AKR1D1: variants seen among roughly 807,000 people sequenced by gnomAD.
AKR1D1 encodes aldo-keto reductase family 1 member D1, also known as delta(4)-3-ketosteroid 5-beta-reductase.
AKR1D1 carries 32 observed loss-of-function variants against 42.6 expected under a neutral mutation model. The ratio of observed to expected loss-of-function variants is 0.75; its 90% CI spans 0.57 to 1.01. AKR1D1 has a LOEUF of 1.01. Ranked by LOEUF, AKR1D1 falls within the 50% of genes least tolerant of loss-of-function variation. The pLI, the probability that AKR1D1 is intolerant of heterozygous loss-of-function variation, is 0.00. For synonymous variants in AKR1D1, 123 were observed against 135.5 expected (o/e 0.91, Z 0.64); for missense variants, 364 against 402.2 (o/e 0.91, Z 0.81).
chr7:138,088,463 T>C, intron 1 of AKR1D1, 138 bp from the exon 2 acceptor site: 1 of 1,059,672 alleles, frequency 9.4e-7, no homozygotes, highest in Non-Finnish European at 1.4e-6. Context: ...GAACACCATC[T>C]TCCAATCACA....
intron 4 of AKR1D1, 112 bp from the exon 5 acceptor site, chr7:138,105,195 A>T: frequency 6.8e-7 from 1 of 1,480,096 alleles, no homozygotes; most frequent in African/African-American, 1.4e-5. Flanking sequence ...CAAGATGCTT[A>T]TTAACATACC....
chr7:138,116,742 TGAA>T lies in AKR1D1; in HGVS notation c.*83_*85del. ...ATGGGTAGTCCCCTAGATGTGAAAATGAAGAGAGAGGGTTTTACCATCCTGAGA... is the reference window on the plus strand; with the variant it reads ...ATGGGTAGTCCCCTAGATGTGAAAATGAGAGAGGGTTTTACCATCCTGAGA... On this transcript the variant is annotated 3_prime_UTR_variant, in exon 9 of 9. Transcript: ENST00000242375. 7.7e-7 allele frequency: 1 copy of T among 1,301,098 alleles called. No individual in the cohort carries two copies. Among genetic ancestry groups the T allele is most frequent in the Non-Finnish European group, 1.1e-6 (1 of 900,938 alleles). 80.6% of individuals were successfully genotyped at this position (1,301,098 alleles called of 1,614,324 possible).
chr7:138,114,731 A>G (rs140886914), intron 8 of AKR1D1, among the ~76,000 whole-genome samples: 1 of 151,734 alleles, frequency 6.6e-6, no homozygotes, highest in East Asian at 1.9e-4. Flanking sequence ...ATATACATAT[A>G]TATACTCATA....
At chr7:138,078,674 T>C (rs1365390008) in intron 1 of AKR1D1, among the ~76,000 whole-genome samples, 1 of 152,238 alleles carries the variant, frequency 6.6e-6, no homozygotes, top group Non-Finnish European at 1.5e-5. Flanking sequence ...TTACAGGAGA[T>C]AACTATTGTT....
At chr7:138,080,550 C>T (rs1803032697) in intron 1 of AKR1D1, among the ~76,000 whole-genome samples, 1 of 152,130 alleles carries the variant, frequency 6.6e-6, no homozygotes, top group Admixed American at 6.5e-5. Context: ...TGTTCCATCC[C>T]ATTTAATATT....
intron 1 of AKR1D1, among the ~76,000 whole-genome samples, chr7:138,085,678 T>C (rs1470459048): frequency 1.3e-5 from 2 of 152,116 alleles, no homozygotes; most frequent in African/African-American, 4.8e-5. Context: ...ACTCCTGACC[T>C]CAGGTGATCT....
Position 138,080,991 on chromosome 7 carries a change from T to C in AKR1D1, c.93+4380T>C, listed in dbSNP as rs183446441. On this transcript the variant is annotated intron_variant, in intron 1 of 8. Transcript: ENST00000242375. ...CCTTGTCTACAGAGGACAGCCGTAA[T>C]TGAGCTCAACAACTCTGGTGTTTTT... Among the ~76,000 whole-genome samples the C allele has an allele frequency of 5.9e-3, 894 of 152,300 alleles. 9 individuals are homozygous for C. Among genetic ancestry groups the C allele is most frequent in the Non-Finnish European group, 8.7e-3 (594 of 68,032 alleles).
intron 4 of AKR1D1, 70 bp from the exon 5 acceptor site, chr7:138,105,237 C>A: frequency 1.2e-6 from 2 of 1,605,520 alleles, no homozygotes; most frequent in South Asian, 2.2e-5. Context: ...AATTCACAGT[C>A]ACCCTTATAA....
chr7:138,114,697 A>ATG (rs1794602165), intron 8 of AKR1D1, among the ~76,000 whole-genome samples: 1 of 151,174 alleles, frequency 6.6e-6, no homozygotes, highest in South Asian at 2.1e-4. Flanking sequence ...TTTGCTATAT[A>ATG]TGTGTGTATA....
chr7:138,101,687 A>G (rs1319160648), intron 4 of AKR1D1, among the ~76,000 whole-genome samples: 1 of 152,216 alleles, frequency 6.6e-6, no homozygotes, highest in Non-Finnish European at 1.5e-5. Context: ...ATTTTTAAAA[A>G]CAATGCTAAA....
At chr7:138,101,978 T>C (rs6951769) in intron 4 of AKR1D1, among the ~76,000 whole-genome samples, 11,434 of 151,956 alleles carry the variant, frequency 0.075, 1,479 homozygotes, top group African/African-American at 0.26. Flanking sequence ...TGGGAGGCCA[T>C]GGCAGGTGGA....
intron 7 of AKR1D1, among the ~76,000 whole-genome samples, chr7:138,109,059 T>C (rs887090944): frequency 6.6e-5 from 10 of 152,220 alleles, no homozygotes; most frequent in Non-Finnish European, 1.2e-4. Flanking sequence ...TTCTTTGTAA[T>C]TTTTTAAAAA....
At chr7:138,108,872 C>A (rs1794483537) in intron 7 of AKR1D1, among the ~76,000 whole-genome samples, 1 of 152,064 alleles carries the variant, frequency 6.6e-6, no homozygotes, top group Non-Finnish European at 1.5e-5. Context: ...TTTAACCACT[C>A]CACAATTTAT....
chr7:138,106,263 T>TA (rs1000142813), intron 5 of AKR1D1, among the ~76,000 whole-genome samples: 119 of 152,272 alleles, frequency 7.8e-4, no homozygotes, highest in Non-Finnish European at 8.5e-4. Flanking sequence ...TCTATGCTAA[T>TA]AAAAAAATAT....
intron 7 of AKR1D1, among the ~76,000 whole-genome samples, chr7:138,109,177 C>A (rs1337520581): frequency 6.6e-6 from 1 of 152,122 alleles, no homozygotes; most frequent in African/African-American, 2.4e-5. Flanking sequence ...AGGAAGATAG[C>A]CACAATATTA....
At chr7:138,103,939 G>A (rs530008793) in intron 4 of AKR1D1, among the ~76,000 whole-genome samples, 8 of 151,884 alleles carry the variant, frequency 5.3e-5, no homozygotes, top group Admixed American at 2.6e-4. Flanking sequence ...AAATCAACCT[G>A]GGCAACATAA....
intron 3 of AKR1D1, among the ~76,000 whole-genome samples, chr7:138,096,078 AC>A (rs1450214677): frequency 3.3e-5 from 5 of 151,820 alleles, no homozygotes; most frequent in Non-Finnish European, 7.4e-5. Flanking sequence ...GGTGGTGCAC[AC>A]CTGTAGTCCC....
Position 138,090,684 on chromosome 7 carries a change from TC to T in AKR1D1, c.262-1078del, listed in dbSNP as rs1337302587. 2.7e-5 allele frequency among the ~76,000 whole-genome samples: 4 copies of T among 150,888 alleles called. No homozygotes were observed. The East Asian group carries it at 7.8e-4, about 29-fold the overall frequency. ...AGAAAAGTATGATTCTAAACTTATA[TC>T]CCCCCAAAAAAATCTGTGAGCAAAA... On this transcript the variant is annotated intron_variant, in intron 2 of 8. Transcript: ENST00000242375.
rs552560289 is a variant in AKR1D1 at position 138,106,355 on chromosome 7, A to C, written c.580-253A>C. 3.9e-5 allele frequency among the ~76,000 whole-genome samples: 6 copies of C among 152,356 alleles called. No homozygotes were observed. In the South Asian group the frequency reaches 8.3e-4, roughly 21 times the overall value. ...AAATGGAAACAACATAATACAAAAAATTAAGGGGATGATTAAATAAGTTAC... is the reference window on the plus strand; with the variant it reads ...AAATGGAAACAACATAATACAAAAACTTAAGGGGATGATTAAATAAGTTAC... On this transcript the variant is annotated intron_variant, in intron 5 of 8. Transcript: ENST00000242375.
Sources: allele counts gnomAD v4.1 joint callset (sites outside exome capture counted in the v4.1 genomes callset), GRCh38; gene constraint gnomAD v4.1.1; transcripts MANE v1.5; gene names NCBI Gene and HGNC (gene_info 2026-07-23, HGNC 2026-07-21).